Variants in SYNJ2 observed in about 807,000 individuals in gnomAD.
SYNJ2 encodes the protein synaptojanin 2.
Under a neutral mutation model 141.3 loss-of-function variants are expected in SYNJ2, and 116 were observed. That is an observed-to-expected ratio of 0.82 (90% CI 0.71 to 0.96). SYNJ2 has a LOEUF of 0.96. SYNJ2 is among the 40% of genes least tolerant of loss of function. The pLI is 0.00. For synonymous variants in SYNJ2, 745 were observed against 777.7 expected (o/e 0.96, Z 0.70); for missense variants, 1,873 against 1,934.8 (o/e 0.97, Z 0.60).
At chr6:158,093,920 G>T (rs1437097005) in intron 26 of SYNJ2, 1 of 765,192 alleles carries the variant, frequency 1.3e-6, no homozygotes, top group Admixed American at 1.7e-5. Flanking sequence ...AAGCTTCTCA[G>T]CCTTGCTTAC....
At chr6:158,090,549 T>TG (rs1457918161) in intron 25 of SYNJ2, among the ~76,000 whole-genome samples, 60 of 139,458 alleles carry the variant, frequency 4.3e-4, no homozygotes, top group Non-Finnish European at 7.6e-4. Context: ...TTTGTTTTTT[T>TG]TTTTTTTTTT....
intron 1 of SYNJ2, among the ~76,000 whole-genome samples, chr6:157,983,837 T>C (rs1777100179): frequency 6.6e-6 from 1 of 152,134 alleles, no homozygotes; most frequent in South Asian, 2.1e-4. Context: ...AAAAATTTTT[T>C]TTTTTTTTGA....
chr6:158,088,565 T>C (rs1583511397), intron 23 of SYNJ2, 95 bp from the exon 24 acceptor site: 1 of 884,394 alleles, frequency 1.1e-6, no homozygotes, highest in East Asian at 2.4e-5. Context: ...TGTGGTCTGC[T>C]GGGACATCCG....
intron 1 of SYNJ2, among the ~76,000 whole-genome samples, chr6:158,005,017 C>G (rs1469722130): frequency 6.6e-6 from 1 of 151,962 alleles, no homozygotes; most frequent in African/African-American, 2.4e-5. Context: ...TCTCAAACAT[C>G]CCACTCTTCT....
chr6:158,064,775 G>T (rs761029516), intron 10 of SYNJ2, 25 bp downstream of exon 10: 2 of 1,612,198 alleles, frequency 1.2e-6, no homozygotes, highest in Admixed American at 1.7e-5. Context: ...AGGGGGCAGG[G>T]TGGGGGCCCC....
chr6:158,017,387 C>A, intron 2 of SYNJ2, 97 bp downstream of exon 2: 4 of 1,282,782 alleles, frequency 3.1e-6, no homozygotes, highest in South Asian at 1.7e-5. Flanking sequence ...TCTGTTTGAC[C>A]GCTCTTCTCT....
In SYNJ2 at chr6:158,084,269, T is replaced by C; in HGVS notation, c.3208+95T>C. ...CTTGGCGATTGGGCACTGTGTGATA[T>C]CAAGTATGCAGGTCCCAGGAGAGAC... On this transcript the variant is annotated intron_variant, in intron 22 of 26. Transcript: ENST00000355585. This position sits in a 1 kb window ranked among gnomAD's most constrained non-coding sequence, Gnocchi z 5.0. The C allele has an allele frequency of 7.1e-7, 1 of 1,400,166 alleles. No individual in the cohort carries two copies. The highest frequency in any genetic ancestry group is 9.7e-7 in the Non-Finnish European group (1 of 1,028,982). 86.7% of individuals were successfully genotyped at this position (1,400,166 alleles called of 1,614,324 possible).
At chr6:158,055,065 T>C (rs1302680744) in intron 6 of SYNJ2, 37 bp downstream of exon 6, 1 of 1,609,522 alleles carries the variant, frequency 6.2e-7, no homozygotes, top group Non-Finnish European at 8.5e-7. Context: ...CCTGTCATTG[T>C]CATCCTTAGA....
chr6:158,003,410 C>T (rs536083472), intron 1 of SYNJ2, among the ~76,000 whole-genome samples: 1 of 152,198 alleles, frequency 6.6e-6, no homozygotes, highest in African/African-American at 2.4e-5. Context: ...TGAAGAGCTG[C>T]TTCAGCTCCA....
chr6:157,993,747 A>T (rs1583287161), intron 1 of SYNJ2, among the ~76,000 whole-genome samples: 1 of 75,996 alleles, frequency 1.3e-5, no homozygotes. Context: ...AGTAACCTGG[A>T]CTGTCATTTG....
At chr6:157,989,964 G>A (rs1777357082) in intron 1 of SYNJ2, among the ~76,000 whole-genome samples, 1 of 152,238 alleles carries the variant, frequency 6.6e-6, no homozygotes, top group East Asian at 1.9e-4. Flanking sequence ...CTTGCCCTGG[G>A]GGGCACTGGG....
At chr6:158,076,530 TAAG>T in intron 16 of SYNJ2, 93 bp from the exon 17 acceptor site, 3 of 1,368,266 alleles carry the variant, frequency 2.2e-6, no homozygotes, top group African/African-American at 1.5e-5. Context: ...TGTTACTTTT[TAAG>T]AATAGGGACT....
chr6:158,055,319 G>A (rs775221474), intron 6 of SYNJ2, among the ~76,000 whole-genome samples: 18 of 152,056 alleles, frequency 1.2e-4, no homozygotes, highest in Non-Finnish European at 1.6e-4. Flanking sequence ...GGTTAATAAG[G>A]GATCATCTAA....
At chr6:157,993,797 G>GTT (rs61529071) in intron 1 of SYNJ2, among the ~76,000 whole-genome samples, 619 of 47,916 alleles carry the variant, frequency 0.013, 73 homozygotes, top group Middle Eastern at 0.028. Flanking sequence ...AAATGTGTGG[G>GTT]TTTTTTTTTT....
intron 14 of SYNJ2, 94 bp downstream of exon 14, chr6:158,069,767 C>A: frequency 7.1e-7 from 1 of 1,404,586 alleles, no homozygotes; most frequent in Non-Finnish European, 9.5e-7. Context: ...CCATCCCCTT[C>A]TGTAACAGGA....
At chr6:157,995,502 C>T (rs760468737) in intron 1 of SYNJ2, among the ~76,000 whole-genome samples, 8 of 152,158 alleles carry the variant, frequency 5.3e-5, no homozygotes, top group Non-Finnish European at 8.8e-5. Flanking sequence ...ATTTTGAGTG[C>T]GGAGGATAGG....
intron 18 of SYNJ2, among the ~76,000 whole-genome samples, 176 bp from the exon 19 acceptor site, chr6:158,080,933 T>G (rs972855060): frequency 9.2e-5 from 14 of 152,224 alleles, no homozygotes; most frequent in African/African-American, 3.1e-4. Flanking sequence ...CACCTGCTGG[T>G]GGCCACATTC....
At chr6:158,068,004 G>C (rs946088153) in intron 12 of SYNJ2, 8 of 985,112 alleles carry the variant, frequency 8.1e-6, no homozygotes. Context: ...GTATTTTGCA[G>C]GGGATTTTTT....
In SYNJ2 at chr6:158,033,528, G is replaced by C; in HGVS notation, c.559G>C (p.Gly187Arg). Residue 187 changes from glycine to arginine, a missense_variant, in exon 4 of 27, where the codon GGG becomes CGG. Physicochemically the swap from Gly to Arg is moderately radical, Grantham distance 125 (BLOSUM62 -2). Transcript: ENST00000355585. ...TGACTGGCTGCTGAAGATCATCTGC[G>C]GGGTGGTCACCATCCGCACCGTGTA... ...CCDWLLKIIC[G>R]VVTIRTVYAS... The C allele has an allele frequency of 6.2e-7, 1 of 1,614,144 alleles. No individual in the cohort carries two copies. Among genetic ancestry groups the C allele is most frequent in the Non-Finnish European group, 8.5e-7 (1 of 1,180,044 alleles).
Sources: gnomAD v4.1 joint callset for allele counts (sites outside exome capture counted in the v4.1 genomes callset) on GRCh38, gnomAD v4.1.1 for gene constraint, Gnocchi (gnomAD v3.1) non-coding constraint, MANE v1.5 for transcripts, NCBI Gene and HGNC (gene_info 2026-07-23, HGNC 2026-07-21) for gene names.